The following CCDC7 variants were observed in gnomAD, a reference collection of about 807,000 sequenced individuals.
CCDC7 encodes the protein coiled-coil domain containing 7, also known as coiled-coil domain-containing protein 7.
Under a neutral mutation model 196.9 loss-of-function variants are expected in CCDC7, and 183 were observed. That is an observed-to-expected ratio of 0.93 (90% CI 0.82 to 1.05). The LOEUF (loss-of-function observed/expected upper bound fraction) is 1.05, where lower values mean the gene tolerates loss of function less well. CCDC7 is among the 50% of genes least tolerant of loss of function. The pLI is 0.00. For synonymous variants in CCDC7, 525 were observed against 484.6 expected (o/e 1.08, Z -1.10); for missense variants, 1,540 against 1,482.2 (o/e 1.04, Z -0.64).
intron 29 of CCDC7, among the ~76,000 whole-genome samples, chr10:32,795,434 T>A (rs2083399648): frequency 6.6e-6 from 1 of 152,178 alleles, no homozygotes; most frequent in Non-Finnish European, 1.5e-5. Context: ...TATTTCAATC[T>A]CTGTTAAATT....
intron 28 of CCDC7, among the ~76,000 whole-genome samples, chr10:32,736,013 C>T (rs998065831): frequency 6.6e-6 from 1 of 152,060 alleles, no homozygotes; most frequent in African/African-American, 2.4e-5. Context: ...GTTCCAATTG[C>T]TCTATTTGTC....
intron 16 of CCDC7, among the ~76,000 whole-genome samples, chr10:32,582,392 A>G (rs1354078591): frequency 6.6e-6 from 1 of 151,898 alleles, no homozygotes; most frequent in Non-Finnish European, 1.5e-5. Flanking sequence ...TCATAGGACT[A>G]GGAAAGCTTT....
At chr10:32,710,331 C>T (rs1392281822) in intron 24 of CCDC7, among the ~76,000 whole-genome samples, 1 of 152,192 alleles carries the variant, frequency 6.6e-6, no homozygotes, top group African/African-American at 2.4e-5. Context: ...CTGTCATTGC[C>T]TGGTACCTCT....
chr10:32,698,395 A>G (rs939928018), intron 24 of CCDC7, among the ~76,000 whole-genome samples: 17 of 152,226 alleles, frequency 1.1e-4, no homozygotes, highest in Admixed American at 6.5e-5. Flanking sequence ...CGGTAATAAT[A>G]AACTTCTCTG....
intron 13 of CCDC7, among the ~76,000 whole-genome samples, chr10:32,546,991 C>T (rs996739659): frequency 1.3e-5 from 2 of 151,972 alleles, no homozygotes; most frequent in African/African-American, 4.8e-5. Flanking sequence ...TCCTCCTCCT[C>T]CTCCTCTTCT....
chr10:32,543,570 A>G (rs2051880686), intron 12 of CCDC7, among the ~76,000 whole-genome samples, 185 bp downstream of exon 13: 1 of 152,128 alleles, frequency 6.6e-6, no homozygotes, highest in Non-Finnish European at 1.5e-5. Context: ...AAAGGGAAGA[A>G]CAAAGAACCA....
At chr10:32,711,623 A>G (rs2080855062) in exon 25 of CCDC7, 3 of 1,574,670 alleles carry the variant, frequency 1.9e-6, no homozygotes, top group African/African-American at 1.4e-5. Flanking sequence ...AACATAGCTC[A>G]TGATGAAGAA....
intron 20 of CCDC7, among the ~76,000 whole-genome samples, chr10:32,643,486 C>G (rs965015044): frequency 1.3e-5 from 2 of 151,674 alleles, no homozygotes; most frequent in African/African-American, 4.8e-5. Context: ...TAGAACGTTT[C>G]AATGTTTTAA....
intron 29 of CCDC7, among the ~76,000 whole-genome samples, chr10:32,788,271 C>T (rs917072422): frequency 1.1e-4 from 16 of 152,022 alleles, no homozygotes; most frequent in African/African-American, 3.9e-4. Flanking sequence ...ATTGTCAGGT[C>T]AGCCCTAGCA....
intron 11 of CCDC7, among the ~76,000 whole-genome samples, chr10:32,535,053 G>T (rs1364346672): frequency 6.6e-6 from 1 of 151,610 alleles, no homozygotes; most frequent in African/African-American, 2.4e-5. Flanking sequence ...CAGAATGTGA[G>T]GAGGGGCATC....
chr10:32,702,843 C>T (rs148987495), intron 24 of CCDC7, among the ~76,000 whole-genome samples: 6,982 of 152,218 alleles, frequency 0.046, 521 homozygotes, highest in African/African-American at 0.16. Context: ...GCAACCTCTG[C>T]CTTTTTTTGT....
At chr10:32,695,299 G>C (rs1202756191) in intron 24 of CCDC7, among the ~76,000 whole-genome samples, 2 of 152,198 alleles carry the variant, frequency 1.3e-5, no homozygotes, top group Non-Finnish European at 2.9e-5. Flanking sequence ...GTGTTCAACA[G>C]GAACCTTGGG....
chr10:32,842,949 G>T (rs1010922028), intron 33 of CCDC7, among the ~76,000 whole-genome samples: 9 of 151,792 alleles, frequency 5.9e-5, no homozygotes, highest in Non-Finnish European at 1.3e-4. Flanking sequence ...GAAAGAGTAG[G>T]GGGGGCAAGG....
intron 20 of CCDC7, among the ~76,000 whole-genome samples, chr10:32,640,224 C>T (rs1025011125): frequency 6.6e-5 from 10 of 152,056 alleles, no homozygotes; most frequent in African/African-American, 1.9e-4. Context: ...TCTGGGTGCT[C>T]CTGTATTGGG....
chr10:32,683,058 A>G (rs1036260279), intron 21 of CCDC7, among the ~76,000 whole-genome samples: 5 of 152,090 alleles, frequency 3.3e-5, no homozygotes, highest in African/African-American at 4.8e-5. Flanking sequence ...CTTTCTCATG[A>G]TATCTTTGCC....
intron 8 of CCDC7, among the ~76,000 whole-genome samples, 187 bp from the exon 10 acceptor site, chr10:32,491,735 A>G (rs928950583): frequency 1.3e-5 from 2 of 152,166 alleles, no homozygotes; most frequent in African/African-American, 4.8e-5. Context: ...GGTGATTTGC[A>G]CATAATAGGT....
At chr10:32,726,754 T>C in exon 26 of CCDC7, 1 of 1,597,438 alleles carries the variant, frequency 6.3e-7, no homozygotes, top group Admixed American at 1.7e-5. Context: ...AAATTCTATG[T>C]TTGTTCATCA....
chr10:32,451,892 A>G (rs2033159080), exon 1 of CCDC7: 1 of 1,611,350 alleles, frequency 6.2e-7, no homozygotes, highest in Admixed American at 1.7e-5. Flanking sequence ...AGATGAAATG[A>G]TCGGAAAAAT....
chr10:32,635,165 A>T lies in CCDC7; in HGVS notation c.2014+7A>T, dbSNP rs373844907. ...AGAAATGAGAGTTTTCATTGTAAGT[A>T]GTAAGTTTAAAATGTTATAAAATTA... On this transcript the variant is annotated splice_region_variant and intron_variant, in intron 20 of 41. Coordinates refer to ENST00000639629, the Ensembl canonical transcript of CCDC7. 8 of 398,520 alleles carry T rather than the reference A, an allele frequency of 2.0e-5. 2 individuals carry two copies. In the South Asian group the frequency reaches 1.0e-3, roughly 51 times the overall value. 24.7% of individuals were successfully genotyped at this position (398,520 alleles called of 1,614,324 possible).
Sources: gnomAD v4.1 joint callset for allele counts (sites outside exome capture counted in the v4.1 genomes callset) on GRCh38, gnomAD v4.1.1 for gene constraint, MANE v1.5 for transcripts, NCBI Gene and HGNC (gene_info 2026-07-23, HGNC 2026-07-21) for gene names.